PLA2R1: variants seen among roughly 807,000 people sequenced by gnomAD.
The protein encoded by PLA2R1 is phospholipase A2 receptor 1.
PLA2R1 carries 158 observed loss-of-function variants against 195.9 expected under a neutral mutation model. The ratio of observed to expected loss-of-function variants is 0.81; its 90% CI spans 0.71 to 0.92. The LOEUF is 0.92. Among genes scored for constraint, PLA2R1 ranks in the 40% least tolerant of loss-of-function variants. PLA2R1 has a pLI of 0.00. For missense variants in PLA2R1, 1,626 were observed against 1,764.6 expected, an observed-to-expected ratio of 0.92 and a Z score of 1.41; for synonymous variants, 586 against 598.2, an observed-to-expected ratio of 0.98 and a Z score of 0.30.
chr2:159,945,944 G>C, intron 27 of PLA2R1: 1 of 904,706 alleles, frequency 1.1e-6, no homozygotes, highest in Non-Finnish European at 1.3e-6. Flanking sequence ...GAAATCATTT[G>C]ATAAACAAAA....
intron 4 of PLA2R1, among the ~76,000 whole-genome samples, chr2:160,032,072 C>A (rs1031660010): frequency 1.3e-5 from 2 of 152,196 alleles, no homozygotes; most frequent in African/African-American, 2.4e-5. Context: ...TGGCTGCTGC[C>A]ACGTTTTTAT....
At chr2:160,009,876 G>A (rs1237748095) in intron 10 of PLA2R1, among the ~76,000 whole-genome samples, 1 of 152,166 alleles carries the variant, frequency 6.6e-6, no homozygotes, top group Non-Finnish European at 1.5e-5. Flanking sequence ...GAGAGGCCGA[G>A]GCAGGAGGAT....
At chr2:159,992,765 T>C (rs551068404) in intron 11 of PLA2R1, among the ~76,000 whole-genome samples, 14 of 152,298 alleles carry the variant, frequency 9.2e-5, no homozygotes, top group Non-Finnish European at 1.5e-4. Context: ...CTTCAAACTA[T>C]ACTACAGGGC....
chr2:159,945,086 T>C lies in PLA2R1; in HGVS notation c.3968-4A>G. The C allele has an allele frequency of 6.2e-7, 1 of 1,600,440 alleles. No individual in the cohort carries two copies. ...TCAAACCACTTTATGGTTTCATCTG[T>C]GAGAAAATTGCTGACTCATTATGAA... On this transcript the variant is annotated splice_region_variant and splice_polypyrimidine_tract_variant and intron_variant, in intron 27 of 29. Coordinates refer to ENST00000283243, the MANE Select transcript of PLA2R1 (RefSeq NM_007366.5).
intron 2 of PLA2R1, among the ~76,000 whole-genome samples, chr2:160,042,612 A>G (rs1422115607): frequency 1.3e-5 from 2 of 152,196 alleles, no homozygotes; most frequent in Non-Finnish European, 2.9e-5. Context: ...TATTTATTGA[A>G]CATTTAATGT....
chr2:159,944,884 A>G, intron 28 of PLA2R1, 22 bp downstream of exon 28: 1 of 1,581,074 alleles, frequency 6.3e-7, no homozygotes, highest in African/African-American at 1.3e-5. Context: ...AAAATGAAGA[A>G]TTACTCTCTG....
At chr2:159,942,214 A>G (rs1687124881) in intron 28 of PLA2R1, 55 bp from the exon 29 acceptor site, 1 of 1,343,488 alleles carries the variant, frequency 7.4e-7, no homozygotes, top group Admixed American at 1.7e-5. Flanking sequence ...CAGCAAAAAT[A>G]TGTCATTACT....
At position 159,935,874 on chromosome 2, in the gene PLA2R1, C is replaced by T. The variant is rs1270930682; in HGVS notation, c.*5904G>A. On this transcript the variant is annotated 3_prime_UTR_variant, in exon 30 of 30. Coordinates refer to ENST00000283243, the MANE Select transcript of PLA2R1 (RefSeq NM_007366.5). ...CAGAATTTTATCCTAATGAGATATA[C>T]TTTAATTTGTGAAATATTTTATTCA... The T allele has an allele frequency of 6.6e-6, 1 of 150,946 alleles. No individual in the cohort carries two copies. Among genetic ancestry groups the T allele is most frequent in the Non-Finnish European group, 1.5e-5 (1 of 67,888 alleles). The allele number at this position is 150,946 out of a possible 1,614,324, so 9.4% of individuals were successfully genotyped here. A position where few individuals can be genotyped will look rare whatever the true frequency, so the allele number is the denominator to read the frequency against.
chr2:159,948,406 A>ATT (rs1053050325), intron 25 of PLA2R1, among the ~76,000 whole-genome samples: 3 of 143,740 alleles, frequency 2.1e-5, no homozygotes, highest in Non-Finnish European at 3.1e-5. Context: ...AGATAATTGA[A>ATT]TTTTTTTTTT....
At chr2:160,007,699 G>A (rs1191220572) in intron 10 of PLA2R1, among the ~76,000 whole-genome samples, 2 of 152,200 alleles carry the variant, frequency 1.3e-5, no homozygotes, top group African/African-American at 4.8e-5. Flanking sequence ...TGAAAGACTT[G>A]TATACTGAAA....
chr2:159,965,476 T>C (rs1022830640), intron 20 of PLA2R1, among the ~76,000 whole-genome samples: 1 of 152,208 alleles, frequency 6.6e-6, no homozygotes, highest in African/African-American at 2.4e-5. Context: ...AAAGGCTTGA[T>C]AGCTAATTTC....
chr2:159,946,786 A>G lies in PLA2R1; in HGVS notation c.3967+15T>C. On this transcript the variant is annotated intron_variant, in intron 27 of 29. Transcript: ENST00000283243. Reference sequence around the variant, plus strand: ...TGTATTTATTTATGTCCTCTCCTCTACCCAAATCACTTACTGTTACCATCA... The same window carrying G: ...TGTATTTATTTATGTCCTCTCCTCTGCCCAAATCACTTACTGTTACCATCA... 1 of 1,599,748 alleles carries G rather than the reference A, an allele frequency of 6.3e-7. No individual in the cohort carries two copies.
At chr2:159,967,702 A>T in intron 19 of PLA2R1, 24 bp from the exon 20 acceptor site, 1 of 1,608,800 alleles carries the variant, frequency 6.2e-7, no homozygotes, top group Non-Finnish European at 8.5e-7. Context: ...TGGGTTAGAA[A>T]TGGCTTAGGA....
intron 18 of PLA2R1, 21 bp downstream of exon 18, chr2:159,970,127 C>G (rs755429669): frequency 1.3e-6 from 2 of 1,521,088 alleles, no homozygotes; most frequent in South Asian, 2.3e-5. Flanking sequence ...AAATTAAATG[C>G]AAATGAATCT....
chr2:160,016,476 G>GA (rs373965427), intron 9 of PLA2R1, 138 bp downstream of exon 9: 12 of 583,748 alleles, frequency 2.1e-5, no homozygotes, highest in Middle Eastern at 2.6e-4. Flanking sequence ...AAAGAAGGGG[G>GA]GGGTGCGAGG....
At chr2:159,955,418 G>C in intron 22 of PLA2R1, 72 bp from the exon 23 acceptor site, 1 of 962,744 alleles carries the variant, frequency 1.0e-6, no homozygotes, top group Non-Finnish European at 1.5e-6. Context: ...TTTTTATTAA[G>C]ACATTATTTT....
intron 6 of PLA2R1, among the ~76,000 whole-genome samples, chr2:160,025,212 A>T (rs1010509385): frequency 1.3e-5 from 2 of 152,146 alleles, no homozygotes; most frequent in African/African-American, 4.8e-5. Flanking sequence ...ATTGTCAAAA[A>T]TAGATTGGGC....
chr2:159,955,418 G>T, intron 22 of PLA2R1, 72 bp from the exon 23 acceptor site: 1 of 962,744 alleles, frequency 1.0e-6, no homozygotes. Flanking sequence ...TTTTTATTAA[G>T]ACATTATTTT....
At chr2:160,023,643 G>A (rs776000760) in intron 6 of PLA2R1, among the ~76,000 whole-genome samples, 5 of 152,216 alleles carry the variant, frequency 3.3e-5, no homozygotes, top group Non-Finnish European at 7.3e-5. Flanking sequence ...CTATGGAGTA[G>A]CCATTCTTTA....
Sources: allele counts gnomAD v4.1 joint callset (sites outside exome capture counted in the v4.1 genomes callset), GRCh38; gene constraint gnomAD v4.1.1; transcripts MANE v1.5; gene names NCBI Gene and HGNC (gene_info 2026-07-23, HGNC 2026-07-21).